The following BACH2 variants were observed in gnomAD, a reference collection of about 807,000 sequenced individuals.
BACH2 encodes transcription regulator protein BACH2.
BACH2 carries 5 observed loss-of-function variants against 61.8 expected under a neutral mutation model. The observed-to-expected ratio is 0.08, with a 90% CI of 0.04 to 0.17. The LOEUF (loss-of-function observed/expected upper bound fraction) is 0.17, where lower values mean the gene tolerates loss of function less well. BACH2 is among the 10% of genes least tolerant of loss of function. BACH2 has a pLI of 1.00. For missense variants in BACH2, 824 were observed against 1,091.1 expected (o/e 0.76, Z 3.45); for synonymous variants, 446 against 440.1 (o/e 1.01, Z -0.17).
chr6:90,207,901 G>C (rs1190899823), intron 3 of BACH2, among the ~76,000 whole-genome samples: 2 of 152,064 alleles, frequency 1.3e-5, no homozygotes, highest in Non-Finnish European at 2.9e-5. Flanking sequence ...AAATGATTTT[G>C]CAATTTACAT....
intron 3 of BACH2, among the ~76,000 whole-genome samples, chr6:90,233,658 CA>C (rs1316917251): frequency 6.6e-6 from 1 of 152,126 alleles, no homozygotes; most frequent in African/African-American, 2.4e-5. Flanking sequence ...CCTGGCACAC[CA>C]AAGTCAATGC....
chr6:90,056,287 C>A (rs1284492455), intron 5 of BACH2, among the ~76,000 whole-genome samples: 14 of 151,902 alleles, frequency 9.2e-5, no homozygotes, highest in Non-Finnish European at 1.9e-4. Context: ...ATCTACCAAG[C>A]AAATGGAAAA....
chr6:89,990,925 G>A (rs776409590), intron 6 of BACH2, among the ~76,000 whole-genome samples: 16 of 152,218 alleles, frequency 1.1e-4, no homozygotes, highest in Non-Finnish European at 2.2e-4. Flanking sequence ...TTAAATGAAT[G>A]AACAGCTTCT....
At position 90,180,033 on chromosome 6, in the gene BACH2, AAC is replaced by A. The variant is rs1768105915; in HGVS notation, c.-162+26534_-162+26535del. ...TTTATCAATTGAATGAAGAGATTTC[AAC>A]ACAGTTTTCTGAGAAGAGCAAAACA... is the stretch of plus-strand genomic sequence containing the variant. On this transcript the variant is annotated intron_variant, in intron 4 of 8. Transcript: ENST00000257749. 2.0e-5 allele frequency among the ~76,000 whole-genome samples: 3 copies of A among 152,206 alleles called. No homozygotes were observed. In the South Asian group the frequency reaches 6.2e-4, roughly 31 times the overall value.
intron 1 of BACH2, among the ~76,000 whole-genome samples, chr6:90,276,820 A>G (rs1435157424): frequency 6.6e-6 from 1 of 152,152 alleles, no homozygotes; most frequent in African/African-American, 2.4e-5. Flanking sequence ...TTCCACTATC[A>G]CCTGCTAAAA....
chr6:90,130,644 GGTTT>G (rs1169263121), intron 4 of BACH2, among the ~76,000 whole-genome samples: 1 of 152,188 alleles, frequency 6.6e-6, no homozygotes, highest in African/African-American at 2.4e-5. Flanking sequence ...TACCTCCAGT[GGTTT>G]CATCCCAATA....
chr6:90,147,549 A>C (rs1481607563), intron 4 of BACH2, among the ~76,000 whole-genome samples: 1 of 152,162 alleles, frequency 6.6e-6, no homozygotes, highest in Non-Finnish European at 1.5e-5. Context: ...TAGAAGGAGC[A>C]AGGCCAACCC....
At chr6:89,946,032 A>T (rs1773701960) in intron 7 of BACH2, among the ~76,000 whole-genome samples, 2 of 152,220 alleles carry the variant, frequency 1.3e-5, no homozygotes. Flanking sequence ...TTGACTACAT[A>T]AAACTAATAT....
chr6:90,096,515 T>A (rs1782386605), intron 4 of BACH2, among the ~76,000 whole-genome samples: 2 of 152,186 alleles, frequency 1.3e-5, no homozygotes, highest in Admixed American at 6.5e-5. Flanking sequence ...GGACCTAGCT[T>A]CTCTTGCTAA....
At chr6:90,178,073 T>C (rs979129626) in intron 4 of BACH2, among the ~76,000 whole-genome samples, 1 of 152,172 alleles carries the variant, frequency 6.6e-6, no homozygotes, top group African/African-American at 2.4e-5. Flanking sequence ...ACACGCTTTC[T>C]ATAACTGCTC....
In BACH2 at chr6:89,951,896, C is replaced by T; in HGVS notation, c.244-34G>A. On this transcript the variant is annotated intron_variant, in intron 6 of 8. Transcript: ENST00000257749. The surrounding 1 kb of genome is among the most constrained non-coding windows in gnomAD (Gnocchi z 6.4). Reference sequence around the variant, plus strand: ...CAAACAGGGAAATCGCCAACATTACCATCAGCACTGCTATTGTCCCGAATC... The same window carrying T: ...CAAACAGGGAAATCGCCAACATTACTATCAGCACTGCTATTGTCCCGAATC... 6.3e-7 allele frequency: 1 copy of T among 1,593,242 alleles called. No individual in the cohort carries two copies. Among genetic ancestry groups the T allele is most frequent in the South Asian group, 1.1e-5 (1 of 87,524 alleles).
intron 6 of BACH2, chr6:90,001,655 G>A (rs1777139251): frequency 1.3e-5 from 2 of 152,210 alleles, no homozygotes; most frequent in Non-Finnish European, 2.9e-5. Flanking sequence ...AGAGTCCTTT[G>A]ACACCAGCTA....
Position 89,932,843 on chromosome 6 carries a change from T to C in BACH2, c.2091A>G (p.Ala697=), listed in dbSNP as rs764105844. Residue 697 remains alanine, a synonymous_variant, in exon 9 of 9, where the codon GCA becomes GCG. Coordinates refer to ENST00000257749, the MANE Select transcript of BACH2 (RefSeq NM_021813.4). Reference sequence around the variant, plus strand: ...AGTTGTCCAACAGTTCCCCCATGCATGCTTTCAGTTGATTCCTCTCTGACA... The same window carrying C: ...AGTTGTCCAACAGTTCCCCCATGCACGCTTTCAGTTGATTCCTCTCTGACA... ...KLLSERNQLK[A]CMGELLDNFS... 6.2e-7 allele frequency: 1 copy of C among 1,608,490 alleles called. No individual in the cohort carries two copies. The highest frequency in any genetic ancestry group is 1.3e-5 in the African/African-American group (1 of 74,948).
intron 4 of BACH2, among the ~76,000 whole-genome samples, chr6:90,131,645 T>C (rs369655928): frequency 6.6e-6 from 1 of 152,184 alleles, no homozygotes; most frequent in African/African-American, 2.4e-5. Flanking sequence ...AAATACCACA[T>C]TTATGTCCAT....
At chr6:90,096,533 T>C (rs539846824) in intron 4 of BACH2, among the ~76,000 whole-genome samples, 1 of 152,360 alleles carries the variant, frequency 6.6e-6, no homozygotes, top group South Asian at 2.1e-4. Flanking sequence ...TAACCATTGA[T>C]ACCTGACACT....
At chr6:90,291,833 C>G (rs1772189446) in intron 1 of BACH2, among the ~76,000 whole-genome samples, 1 of 152,116 alleles carries the variant, frequency 6.6e-6, no homozygotes, top group African/African-American at 2.4e-5. Context: ...CCATATGTGG[C>G]CCCAGCTCTG....
chr6:90,250,616 G>A (rs1179749745), intron 3 of BACH2, among the ~76,000 whole-genome samples: 46 of 152,154 alleles, frequency 3.0e-4, no homozygotes, highest in Admixed American at 3.0e-3. Context: ...CCCCAATGGT[G>A]CTTGCATTCC....
At chr6:90,039,330 G>A (rs370329490) in intron 5 of BACH2, among the ~76,000 whole-genome samples, 6 of 152,122 alleles carry the variant, frequency 3.9e-5, no homozygotes, top group East Asian at 3.8e-4. Flanking sequence ...TTTTGATACT[G>A]CCAAATTGTC....
At chr6:90,068,983 T>C (rs1475706916) in intron 5 of BACH2, among the ~76,000 whole-genome samples, 2 of 152,314 alleles carry the variant, frequency 1.3e-5, no homozygotes, top group African/African-American at 4.8e-5. Flanking sequence ...ATTTCCTTTC[T>C]TCCTTTGATT....
Sources: gnomAD v4.1 joint callset for allele counts (sites outside exome capture counted in the v4.1 genomes callset) on GRCh38, gnomAD v4.1.1 for gene constraint, Gnocchi (gnomAD v3.1) non-coding constraint, MANE v1.5 for transcripts, NCBI Gene and HGNC (gene_info 2026-07-23, HGNC 2026-07-21) for gene names.